Variants in USP45 observed in about 807,000 individuals in gnomAD.
The protein encoded by USP45 is ubiquitin specific peptidase 45, also known as ubiquitin carboxyl-terminal hydrolase 45.
USP45 carries 89 observed loss-of-function variants against 95.8 expected under a neutral mutation model. That is an observed-to-expected ratio of 0.93 (90% CI 0.78 to 1.11). The LOEUF is 1.11. USP45 is among the 50% of genes least tolerant of loss of function. The pLI, the probability that USP45 is intolerant of heterozygous loss-of-function variation, is 0.00. For missense variants in USP45, 898 were observed against 942.5 expected, an observed-to-expected ratio of 0.95 and a Z score of 0.62; for synonymous variants, 281 against 316.2, an observed-to-expected ratio of 0.89 and a Z score of 1.18.
rs565417054 is a variant in USP45 at position 99,476,347 on chromosome 6, G to A, written c.846-117C>T. ...TTATTAGCTGGGTGCGGCAGCCTAC[G>A]CCTGTAATCCCAGCATTTGGGAGGC... On this transcript the variant is annotated intron_variant, in intron 8 of 17. Transcript: ENST00000500704. 3.8e-5 allele frequency: 37 copies of A among 980,524 alleles called. 1 individual carries two copies. Among genetic ancestry groups the A allele is most frequent in the Middle Eastern group, 3.0e-4 (1 of 3,346 alleles). The allele number at this position is 980,524 out of a possible 1,614,324, so 60.7% of individuals were successfully genotyped here.
chr6:99,446,334 A>G lies in USP45; in HGVS notation c.1438T>C (p.Ser480Pro), dbSNP rs1782550788. 1 of 1,614,162 alleles carries G rather than the reference A, an allele frequency of 6.2e-7. No homozygotes were observed. The highest frequency in any genetic ancestry group is 8.5e-7 in the Non-Finnish European group (1 of 1,180,034). ...TCAGTAGGGCTTTCATTCAGACGTG[A>G]CTCAGAATTCATGAGGCTGGCAAAC... is the stretch of plus-strand genomic sequence containing the variant. ...LMFASLMNSESRLNESPTDDS... is the reference protein window; with the variant it reads ...LMFASLMNSEPRLNESPTDDS... Residue 480 changes from serine to proline, a missense_variant, in exon 14 of 18, where the codon TCA (serine) becomes CCA (proline). By Grantham distance (74) the Ser-to-Pro change is moderately conservative (BLOSUM62 -1). Coordinates refer to ENST00000500704, the MANE Select transcript of USP45 (RefSeq NM_001346022.3).
chr6:99,464,802 T>C (rs112502667), intron 12 of USP45, 55 bp from the exon 13 acceptor site: 1 of 1,502,092 alleles, frequency 6.7e-7, no homozygotes, highest in Non-Finnish European at 8.8e-7. Flanking sequence ...AAATTCTGGA[T>C]GTCCTCATCT....
intron 4 of USP45, 25 bp downstream of exon 4, chr6:99,507,403 C>A: frequency 1.4e-6 from 2 of 1,470,966 alleles, no homozygotes; most frequent in South Asian, 1.3e-5. Flanking sequence ...TTAGTGGACA[C>A]AAGAACTAAC....
chr6:99,502,192 G>A (rs531534506), intron 5 of USP45, among the ~76,000 whole-genome samples: 1 of 152,346 alleles, frequency 6.6e-6, no homozygotes, highest in East Asian at 1.9e-4. Flanking sequence ...GCACACGAAT[G>A]CATGGGCTGG....
At chr6:99,444,661 T>C (rs1230181533) in intron 14 of USP45, among the ~76,000 whole-genome samples, 1 of 152,148 alleles carries the variant, frequency 6.6e-6, no homozygotes, top group East Asian at 1.9e-4. Flanking sequence ...ACAGCTCCTA[T>C]ATCCCAGAGC....
At chr6:99,458,119 C>G (rs1273244585) in intron 13 of USP45, among the ~76,000 whole-genome samples, 1 of 152,166 alleles carries the variant, frequency 6.6e-6, no homozygotes, top group Non-Finnish European at 1.5e-5. Flanking sequence ...CTCCTGGTTT[C>G]CAGAGATTCT....
chr6:99,507,567 C>G (rs750352347), intron 3 of USP45, 36 bp from the exon 4 acceptor site: 13 of 1,381,418 alleles, frequency 9.4e-6, no homozygotes, highest in Middle Eastern at 1.8e-4. Context: ...GTATGACTTA[C>G]AAATGTTTGT....
chr6:99,488,583 G>C, intron 6 of USP45, 98 bp downstream of exon 6: 1 of 1,296,668 alleles, frequency 7.7e-7, no homozygotes, highest in Non-Finnish European at 1.1e-6. Flanking sequence ...ATTTCTAGAG[G>C]AACATTTAGC....
intron 1 of USP45, among the ~76,000 whole-genome samples, chr6:99,511,989 A>C (rs1799994379): frequency 6.6e-6 from 1 of 151,368 alleles, no homozygotes; most frequent in Non-Finnish European, 1.5e-5. Flanking sequence ...CTATATAACA[A>C]TGTAATCATA....
intron 5 of USP45, chr6:99,502,059 G>A (rs1447304014): frequency 7.9e-7 from 1 of 1,264,538 alleles, no homozygotes; most frequent in Non-Finnish European, 1.0e-6. Flanking sequence ...CCTAGAGACT[G>A]AGTTAAATCA....
intron 2 of USP45, 90 bp from the exon 3 acceptor site, chr6:99,508,872 TTAAC>T: frequency 8.5e-7 from 1 of 1,171,266 alleles, no homozygotes; most frequent in South Asian, 1.7e-5. Flanking sequence ...TTAAATGCTG[TTAAC>T]TAAAAAGCAC....
chr6:99,451,871 T>C (rs1783932246), intron 13 of USP45, among the ~76,000 whole-genome samples: 1 of 152,024 alleles, frequency 6.6e-6, no homozygotes, highest in African/African-American at 2.4e-5. Flanking sequence ...GCAGAAATAA[T>C]ACCACACATC....
chr6:99,466,214 T>C lies in USP45; in HGVS notation c.1107+458A>G, dbSNP rs538700530. 2.7e-3 allele frequency among the ~76,000 whole-genome samples: 415 copies of C among 152,212 alleles called. 2 individuals carry two copies. The highest frequency in any genetic ancestry group is 9.7e-3 in the African/African-American group (401 of 41,546). ...TGTATTTTTTTAGTAGAGATGGGGT[T>C]TCACCATGTTGGCCAGGCTAGTCTT... On this transcript the variant is annotated intron_variant, in intron 11 of 17. Transcript: ENST00000500704.
At chr6:99,481,080 G>A (rs957787112) in intron 8 of USP45, among the ~76,000 whole-genome samples, 10 of 152,096 alleles carry the variant, frequency 6.6e-5, no homozygotes, top group African/African-American at 1.7e-4. Context: ...GGCACAGAGC[G>A]AGACCCTGTC....
chr6:99,447,553 C>T (rs949797012), intron 13 of USP45, among the ~76,000 whole-genome samples: 6 of 152,194 alleles, frequency 3.9e-5, no homozygotes, highest in African/African-American at 1.2e-4. Flanking sequence ...CCAGGAAGCT[C>T]GAACTGGGTG....
In USP45 at chr6:99,473,336, T is replaced by C. The variant is rs141291638; in HGVS notation, c.933+2807A>G. Reference sequence around the variant, plus strand: ...AGGCAGATTACTTGAGGTCCGGAGTTCGAAACAAGCCTGGCCAAAGTGGTA... The same window carrying C: ...AGGCAGATTACTTGAGGTCCGGAGTCCGAAACAAGCCTGGCCAAAGTGGTA... On this transcript the variant is annotated intron_variant, in intron 9 of 17. Transcript: ENST00000500704. 1.9e-3 allele frequency among the ~76,000 whole-genome samples: 286 copies of C among 151,654 alleles called. 2 individuals carry two copies. Among genetic ancestry groups the C allele is most frequent in the African/African-American group, 6.6e-3 (273 of 41,294 alleles).
chr6:99,512,259 G>A (rs895263604), intron 1 of USP45, among the ~76,000 whole-genome samples: 2 of 152,168 alleles, frequency 1.3e-5, no homozygotes, highest in Non-Finnish European at 2.9e-5. Flanking sequence ...TTGTTAAAAT[G>A]AAAGTTCTGA....
Position 99,501,956 on chromosome 6 carries a change from T to C in USP45, c.478+1809A>G, listed in dbSNP as rs1004503052. The C allele has an allele frequency of 2.3e-6, 3 of 1,302,588 alleles. No individual in the cohort carries two copies. In the South Asian group the frequency reaches 3.7e-5, roughly 16 times the overall value. The allele number at this position is 1,302,588 out of a possible 1,614,324, so 80.7% of individuals were successfully genotyped here. ...AGTTTATATCAACAAACTGACTCAC[T>C]GTGGGCCCCTAGACAGTTTATGCTG... is the stretch of plus-strand genomic sequence containing the variant. On this transcript the variant is annotated intron_variant, in intron 5 of 17. Transcript: ENST00000500704.
intron 1 of USP45, among the ~76,000 whole-genome samples, chr6:99,514,286 C>T (rs1800619514): frequency 6.6e-6 from 1 of 152,186 alleles, no homozygotes; most frequent in Admixed American, 6.5e-5. Context: ...CATCCTTCCT[C>T]CATCAGTGAA....
Sources: allele counts gnomAD v4.1 joint callset (sites outside exome capture counted in the v4.1 genomes callset), GRCh38; gene constraint gnomAD v4.1.1; transcripts MANE v1.5; gene names NCBI Gene and HGNC (gene_info 2026-07-23, HGNC 2026-07-21).